Variants in METTL15 observed in about 807,000 individuals in gnomAD.
METTL15 encodes the protein methyltransferase 15, mitochondrial 12S rRNA N4-cytidine.
Under a neutral mutation model 38.3 loss-of-function variants are expected in METTL15, and 34 were observed. The ratio of observed to expected loss-of-function variants is 0.89; its 90% CI spans 0.68 to 1.18. METTL15 has a LOEUF of 1.18. Among genes scored for constraint, METTL15 ranks in the 50% most tolerant of loss-of-function variants. The pLI, the probability that METTL15 is intolerant of heterozygous loss-of-function variation, is 0.00. For synonymous variants in METTL15, 162 were observed against 170.9 expected (o/e 0.95, Z 0.41); for missense variants, 438 against 498.4 (o/e 0.88, Z 1.15).
chr11:28,467,295 G>T (rs1031268255), intron 6 of METTL15, among the ~76,000 whole-genome samples: 1 of 152,128 alleles, frequency 6.6e-6, no homozygotes, highest in African/African-American at 2.4e-5. Context: ...TTGAGAAAAC[G>T]ATTTTGGTGT....
At chr11:28,467,551 A>G (rs934130092) in intron 6 of METTL15, among the ~76,000 whole-genome samples, 2 of 152,104 alleles carry the variant, frequency 1.3e-5, no homozygotes, top group Admixed American at 1.3e-4. Context: ...GTCCTCCTCA[A>G]CACAGTCCTT....
chr11:28,338,451 T>C (rs1252588625), downstream of METTL15, among the ~76,000 whole-genome samples: 1 of 152,140 alleles, frequency 6.6e-6, no homozygotes. Flanking sequence ...TATCCTTCCA[T>C]AAAAATATTT....
At chr11:28,394,881 A>C (rs1285668764) in intron 5 of METTL15, among the ~76,000 whole-genome samples, 2 of 152,084 alleles carry the variant, frequency 1.3e-5, no homozygotes, top group African/African-American at 4.8e-5. Context: ...TCTGATACAT[A>C]ATAGATACTT....
chr11:28,170,989 A>T (rs560218899), intron 3 of METTL15, among the ~76,000 whole-genome samples: 1 of 152,186 alleles, frequency 6.6e-6, no homozygotes, highest in African/African-American at 2.4e-5. Flanking sequence ...ACTAATCCTT[A>T]TGCAGAATTC....
At chr11:28,114,537 G>A (rs1273673141) in intron 3 of METTL15, among the ~76,000 whole-genome samples, 5 of 149,718 alleles carry the variant, frequency 3.3e-5, no homozygotes, top group Non-Finnish European at 4.5e-5. Flanking sequence ...TGCAACCCCC[G>A]CCTCCTGGGT....
intron 4 of METTL15, among the ~76,000 whole-genome samples, chr11:28,238,656 C>G (rs996415290): frequency 6.6e-6 from 1 of 152,202 alleles, no homozygotes; most frequent in African/African-American, 2.4e-5. Context: ...GAGATGAACC[C>G]GGTACCTCAG....
At chr11:28,498,502 A>T (rs1050041887) in intron 6 of METTL15, among the ~76,000 whole-genome samples, 5 of 152,144 alleles carry the variant, frequency 3.3e-5, no homozygotes, top group Admixed American at 2.0e-4. Flanking sequence ...GCTCAATAGC[A>T]TTTTCTGAAT....
intron 6 of METTL15, chr11:28,328,032 A>G (rs918015200): frequency 9.4e-5 from 143 of 1,525,720 alleles, no homozygotes; most frequent in Non-Finnish European, 1.2e-4. Context: ...TTATTGATTT[A>G]TGTGCTCCAT....
At chr11:28,231,616 T>C (rs751541195) in intron 4 of METTL15, among the ~76,000 whole-genome samples, 5 of 151,882 alleles carry the variant, frequency 3.3e-5, no homozygotes, top group Non-Finnish European at 7.4e-5. Flanking sequence ...AACAGTTTTT[T>C]CATACCCTCC....
At chr11:28,488,528 C>T (rs1244143854) in intron 6 of METTL15, among the ~76,000 whole-genome samples, 1 of 152,130 alleles carries the variant, frequency 6.6e-6, no homozygotes, top group East Asian at 1.9e-4. Flanking sequence ...GTTAACTGGA[C>T]TAATTTCATT....
intron 5 of METTL15, among the ~76,000 whole-genome samples, chr11:28,399,565 A>C (rs1444832996): frequency 1.3e-5 from 2 of 151,980 alleles, no homozygotes. Flanking sequence ...TTAGAATATT[A>C]GCTAATTTTT....
At chr11:28,286,954 C>A (rs1389771245) in intron 4 of METTL15, among the ~76,000 whole-genome samples, 3 of 150,266 alleles carry the variant, frequency 2.0e-5, no homozygotes, top group Non-Finnish European at 3.0e-5. Context: ...TACATGTATT[C>A]TCCACACTAT....
At chr11:28,257,683 G>A (rs1590225769) in intron 4 of METTL15, among the ~76,000 whole-genome samples, 1 of 152,068 alleles carries the variant, frequency 6.6e-6, no homozygotes, top group Non-Finnish European at 1.5e-5. Context: ...AGATTCCGAT[G>A]CATTCTTCAG....
At chr11:28,233,314 A>G (rs915153995) in intron 4 of METTL15, among the ~76,000 whole-genome samples, 4 of 152,140 alleles carry the variant, frequency 2.6e-5, no homozygotes, top group Non-Finnish European at 4.4e-5. Flanking sequence ...CTTTGGAAGT[A>G]ATCAGGATAG....
intron 3 of METTL15, among the ~76,000 whole-genome samples, chr11:28,138,873 C>G (rs1192396782): frequency 6.6e-6 from 1 of 152,120 alleles, no homozygotes; most frequent in Non-Finnish European, 1.5e-5. Flanking sequence ...TGCATTCTAT[C>G]CTAAGGTATT....
intron 4 of METTL15, among the ~76,000 whole-genome samples, chr11:28,262,046 C>T (rs1185069985): frequency 2.0e-5 from 3 of 152,128 alleles, no homozygotes; most frequent in African/African-American, 7.2e-5. Context: ...TACTCTTAAA[C>T]CACTGTAATG....
At chr11:28,404,656 A>T (rs1229987905) in intron 5 of METTL15, among the ~76,000 whole-genome samples, 1 of 152,098 alleles carries the variant, frequency 6.6e-6, no homozygotes, top group East Asian at 1.9e-4. Flanking sequence ...TTCAGATTAT[A>T]ACAGACCCTT....
chr11:28,360,656 T>C (rs1850128835), intron 4 of METTL15, among the ~76,000 whole-genome samples: 1 of 152,004 alleles, frequency 6.6e-6, no homozygotes, highest in African/African-American at 2.4e-5. Context: ...AAAGTGTCTC[T>C]CTCTCTTTTT....
At chr11:28,188,166 A>G (rs1851570014) in intron 3 of METTL15, among the ~76,000 whole-genome samples, 1 of 151,298 alleles carries the variant, frequency 6.6e-6, no homozygotes, top group African/African-American at 2.4e-5. Flanking sequence ...TTTTAAATGG[A>G]AAGACATTTT....
Sources: gnomAD v4.1 joint callset for allele counts (sites outside exome capture counted in the v4.1 genomes callset) on GRCh38, gnomAD v4.1.1 for gene constraint, MANE v1.5 for transcripts, NCBI Gene and HGNC (gene_info 2026-07-23, HGNC 2026-07-21) for gene names.